Variants in ZC3H7A observed in about 807,000 individuals in gnomAD.
The protein encoded by ZC3H7A is zinc finger CCCH-type containing 7A.
In ZC3H7A, 44 loss-of-function variants were observed where a neutral mutation model predicts 125.5. The observed-to-expected ratio is 0.35, with a 90% CI of 0.28 to 0.45. The LOEUF is 0.45. Among genes scored for constraint, ZC3H7A ranks in the 20% least tolerant of loss-of-function variants. The pLI is 1.00. For synonymous variants in ZC3H7A, 399 were observed against 391.2 expected, an observed-to-expected ratio of 1.02 and a Z score of -0.23; for missense variants, 977 against 1,170.7, an observed-to-expected ratio of 0.83 and a Z score of 2.41.
chr16:11,779,256 T>G lies in ZC3H7A; in HGVS notation c.216A>C (p.Ile72=). ...SISQYTEALN[I]ADYAKSEEIL... ...TTTCTTCAGATTTTGCATAATCAGC[T>G]ATATTCAAGGCTTCCGTGTACTGGC... Residue 72 remains isoleucine (I), a synonymous_variant, in exon 4 of 23, where the codon ATA becomes ATC. Transcript: ENST00000355758. 6.2e-7 allele frequency: 1 copy of G among 1,613,848 alleles called. No homozygotes were observed. Among genetic ancestry groups the G allele is most frequent in the Non-Finnish European group, 8.5e-7 (1 of 1,179,864 alleles).
intron 17 of ZC3H7A, among the ~76,000 whole-genome samples, 166 bp downstream of exon 17, chr16:11,762,505 G>C (rs2052769315): frequency 2.0e-5 from 3 of 152,102 alleles, no homozygotes; most frequent in Admixed American, 2.0e-4. Context: ...TTTTTATGAT[G>C]ATCAACTAAA....
At chr16:11,763,314 G>T in intron 16 of ZC3H7A, 164 bp downstream of exon 16, 1 of 585,812 alleles carries the variant, frequency 1.7e-6, no homozygotes, top group Non-Finnish European at 2.8e-6. Context: ...TTGCCGTACT[G>T]GCCAGACTGG....
chr16:11,752,935 A>G (rs2052576706), intron 21 of ZC3H7A, 103 bp from the exon 22 acceptor site: 1 of 1,445,754 alleles, frequency 6.9e-7, no homozygotes, highest in African/African-American at 1.4e-5. Flanking sequence ...AAGACATAAA[A>G]CTCAGGTTAG....
At chr16:11,754,015 G>A (rs2052593793) in intron 21 of ZC3H7A, 1 of 152,100 alleles carries the variant, frequency 6.6e-6, no homozygotes, top group South Asian at 2.1e-4. Context: ...GAGCAGTTGG[G>A]CGCAGTGGCT....
intron 16 of ZC3H7A, 36 bp downstream of exon 16, chr16:11,763,442 T>C (rs201585463): frequency 6.4e-7 from 1 of 1,562,862 alleles, no homozygotes; most frequent in East Asian, 2.3e-5. Context: ...TGTCTGCTCT[T>C]GAGGAGACAT....
chr16:11,771,100 TA>T, intron 9 of ZC3H7A, 113 bp from the exon 10 acceptor site: 1 of 1,094,554 alleles, frequency 9.1e-7, no homozygotes, highest in Non-Finnish European at 1.3e-6. Flanking sequence ...TCACGTTACA[TA>T]ACAAAGTTTA....
In ZC3H7A at chr16:11,782,403, G is replaced by T; in HGVS notation, c.-34-15C>A. ...AAATGAGCAATCTGGAAAGAAACAA[G>T]GCAAAAAAGCACATAAGGTACCAGG... On this transcript the variant is annotated splice_polypyrimidine_tract_variant and intron_variant, in intron 1 of 22. Transcript: ENST00000355758. 6.2e-7 allele frequency: 1 copy of T among 1,608,988 alleles called. No homozygotes were observed. Among genetic ancestry groups the T allele is most frequent in the Non-Finnish European group, 8.5e-7 (1 of 1,176,808 alleles).
At chr16:11,776,623 C>G in intron 5 of ZC3H7A, 91 bp from the exon 6 acceptor site, 3 of 1,495,480 alleles carry the variant, frequency 2.0e-6, no homozygotes, top group Non-Finnish European at 2.7e-6. Context: ...CATCAAGACA[C>G]CTGCTTCATT....
chr16:11,768,968 G>T, intron 11 of ZC3H7A, 63 bp downstream of exon 11: 2 of 1,469,442 alleles, frequency 1.4e-6, no homozygotes, highest in Admixed American at 2.1e-5. Flanking sequence ...CAAATAACTC[G>T]GTTACTTAAG....
At chr16:11,764,614 C>T (rs999670246) in intron 15 of ZC3H7A, among the ~76,000 whole-genome samples, 4 of 151,428 alleles carry the variant, frequency 2.6e-5, no homozygotes, top group African/African-American at 9.7e-5. Flanking sequence ...CCCAGCTACT[C>T]GAGAGGCTGA....
intron 1 of ZC3H7A, among the ~76,000 whole-genome samples, chr16:11,788,533 G>A (rs149694898): frequency 3.2e-4 from 48 of 151,896 alleles, no homozygotes; most frequent in African/African-American, 8.7e-4. Flanking sequence ...CCTTCCGCCC[G>A]TTTGCCCTCC....
intron 3 of ZC3H7A, among the ~76,000 whole-genome samples, chr16:11,780,959 A>G (rs373363191): frequency 6.6e-6 from 1 of 152,330 alleles, no homozygotes; most frequent in East Asian, 1.9e-4. Flanking sequence ...CTCTTTCTCA[A>G]TAAATTCTGT....
intron 10 of ZC3H7A, among the ~76,000 whole-genome samples, chr16:11,769,970 A>G (rs1329067330): frequency 6.6e-6 from 1 of 150,990 alleles, no homozygotes; most frequent in African/African-American, 2.4e-5. Context: ...TATTTTTTGT[A>G]GAGAAAGGGT....
chr16:11,765,607 G>A lies in ZC3H7A; in HGVS notation c.1601C>T (p.Thr534Ile). ...GCTGAATGCTCCTTTCCGCTCCAGT[G>A]TCCACACATCTATCTCCTCTTGGCA... ...AYCQEEIDVW[T>I]LERKGAFSRE... Residue 534 changes from threonine to isoleucine, a missense_variant, in exon 14 of 23, where the codon ACA becomes ATA. By Grantham distance (89) the Thr-to-Ile change is moderately conservative. Coordinates refer to ENST00000355758, the MANE Select transcript of ZC3H7A (RefSeq NM_014153.4). The surrounding 1 kb of genome is among the most constrained non-coding windows in gnomAD (Gnocchi z 4.8). 6.2e-7 allele frequency: 1 copy of A among 1,614,138 alleles called. No individual in the cohort carries two copies. The highest frequency in any genetic ancestry group is 8.5e-7 in the Non-Finnish European group (1 of 1,180,008).
chr16:11,785,376 C>T (rs956383268), intron 1 of ZC3H7A, among the ~76,000 whole-genome samples: 7 of 151,250 alleles, frequency 4.6e-5, no homozygotes, highest in Non-Finnish European at 5.9e-5. Flanking sequence ...TGTGGTGGTG[C>T]GTACCAGTAG....
At chr16:11,751,774 G>T (rs2052556670) in intron 22 of ZC3H7A, among the ~76,000 whole-genome samples, 1 of 152,074 alleles carries the variant, frequency 6.6e-6, no homozygotes, top group African/African-American at 2.4e-5. Flanking sequence ...AGAAATCAGA[G>T]GCGGCATCAA....
rs1418024626 is a variant in ZC3H7A, at chr16:11,779,376, A to C, written c.109-13T>G. On this transcript the variant is annotated splice_polypyrimidine_tract_variant and intron_variant, in intron 3 of 22. Coordinates refer to ENST00000355758, the MANE Select transcript of ZC3H7A (RefSeq NM_014153.4). ...CACGCAAATATACCTAAAAAAAAGA[A>C]AGTTACCACTTGAAGCCTTTTATCA... The C allele has an allele frequency of 1.2e-6, 2 of 1,603,502 alleles. No individual in the cohort carries two copies. Among genetic ancestry groups the C allele is most frequent in the Non-Finnish European group, 1.7e-6 (2 of 1,176,924 alleles).
chr16:11,766,962 T>C (rs2052870268), intron 13 of ZC3H7A, among the ~76,000 whole-genome samples: 1 of 152,164 alleles, frequency 6.6e-6, no homozygotes, highest in Non-Finnish European at 1.5e-5. Flanking sequence ...TGCTATTAGC[T>C]CTAAACATTT....
At position 11,765,552 on chromosome 16, in the gene ZC3H7A, C is replaced by G. The variant is rs1450360015; in HGVS notation, c.1656G>C (p.Lys552Asn). ...SREAFFGGNG[K>N]INLTVFKLLQ... ...GAAGTTTGAACACAGTAAGGTTAAT[C>G]TTTCCATTGCCGCCAAAGAAAGCCT... Residue 552 changes from lysine (K) to asparagine (N), a missense_variant, in exon 14 of 23, where the codon AAG (lysine) becomes AAC (asparagine). Coordinates refer to ENST00000355758, the MANE Select transcript of ZC3H7A (RefSeq NM_014153.4). The surrounding 1 kb of genome is among the most constrained non-coding windows in gnomAD (Gnocchi z 4.8). 6.2e-7 allele frequency: 1 copy of G among 1,614,192 alleles called. No homozygotes were observed. Among genetic ancestry groups the G allele is most frequent in the Non-Finnish European group, 8.5e-7 (1 of 1,180,030 alleles).
Sources: allele counts gnomAD v4.1 joint callset (sites outside exome capture counted in the v4.1 genomes callset), GRCh38; gene constraint gnomAD v4.1.1; non-coding constraint Gnocchi (gnomAD v3.1); transcripts MANE v1.5; gene names NCBI Gene and HGNC (gene_info 2026-07-23, HGNC 2026-07-21).